Variants in TRDN observed in about 807,000 individuals in gnomAD.
TRDN encodes the protein triadin.
In TRDN, 161 loss-of-function variants were observed where a neutral mutation model predicts 149.7. That is an observed-to-expected ratio of 1.08 (90% CI 0.95 to 1.23). TRDN has a LOEUF of 1.23. Ranked by LOEUF, TRDN falls within the 50% of genes most tolerant of loss-of-function variation. TRDN has a pLI of 0.00. For missense variants in TRDN, 896 were observed against 823.5 expected (o/e 1.09, Z -1.08); for synonymous variants, 294 against 250.5 (o/e 1.17, Z -1.64).
At chr6:123,246,740 GGTAT>G (rs1776195869) in intron 38 of TRDN, among the ~76,000 whole-genome samples, 1 of 151,228 alleles carries the variant, frequency 6.6e-6, no homozygotes, top group Non-Finnish European at 1.5e-5. Flanking sequence ...CATTTTATAA[GGTAT>G]AAGGCCAGCA....
At chr6:123,273,048 T>C in intron 28 of TRDN, 37 bp from the exon 29 acceptor site, 1 of 1,386,792 alleles carries the variant, frequency 7.2e-7, no homozygotes, top group Non-Finnish European at 9.7e-7. Flanking sequence ...TTTAGGTATT[T>C]AGAAGCTGGG....
intron 1 of TRDN, among the ~76,000 whole-genome samples, chr6:123,579,107 T>A (rs1352270960): frequency 6.6e-6 from 1 of 152,216 alleles, no homozygotes; most frequent in Non-Finnish European, 1.5e-5. Flanking sequence ...AGAAATAGTT[T>A]GACTTTCTAT....
chr6:123,619,894 A>C (rs1785291496), intron 1 of TRDN, among the ~76,000 whole-genome samples: 1 of 152,128 alleles, frequency 6.6e-6, no homozygotes. Context: ...CCAGAGAAAT[A>C]GCTGATTATG....
At chr6:123,265,928 T>C (rs1371018676) in intron 32 of TRDN, among the ~76,000 whole-genome samples, 2 of 146,700 alleles carry the variant, frequency 1.4e-5, no homozygotes, top group East Asian at 3.9e-4. Context: ...ACGTTAACTG[T>C]GTCATCGTAC....
rs1310215142 is a variant in TRDN at position 123,360,703 on chromosome 6, AAGAGAGAGAGAGAGACGGAG to A, written c.1321+5412_1321+5431del. Among the ~76,000 whole-genome samples, 242 of 114,340 alleles carry A rather than the reference AAGAGAGAGAGAGAGACGGAG, an allele frequency of 2.1e-3. 2 individuals are homozygous for A. The highest frequency in any genetic ancestry group is 0.01 in the African/African-American group (230 of 22,676). 75.0% of individuals were successfully genotyped at this position (114,340 alleles called of 152,430 possible). ...ATAAAGTGGTAGAGAGACAGAGAGA[AAGAGAGAGAGAGAGACGGAG>A]AGAGAGAGAGAGAGAGAGACAGGGA... On this transcript the variant is annotated intron_variant, in intron 20 of 40. Transcript: ENST00000334268.
rs1368380740 is a variant in TRDN, at chr6:123,503,740, C to G, written c.772G>C (p.Val258Leu). ...TTACCTTTCTGTTCATGCTTTGACA[C>G]AGCTGCTTTCTCTTTGTCCTCCTTT... The part of the protein sequence containing the change: ...KEKEDKEKAA[V>L]SKHEQKDQYA... The change falls in exon 8 of 41, where the codon GTG becomes CTG. Residue 258 changes from valine (V) to leucine (L), a missense_variant. By Grantham distance (32) the Val-to-Leu change is conservative. Transcript: ENST00000334268. 5 of 1,613,792 alleles carry G rather than the reference C, an allele frequency of 3.1e-6. No homozygotes were observed. The highest frequency in any genetic ancestry group is 4.2e-6 in the Non-Finnish European group (5 of 1,179,822).
chr6:123,590,665 G>A (rs1783734543), intron 1 of TRDN, among the ~76,000 whole-genome samples: 1 of 152,072 alleles, frequency 6.6e-6, no homozygotes, highest in Non-Finnish European at 1.5e-5. Context: ...GGGAGGCTGA[G>A]GCAGGAGAAT....
intron 21 of TRDN, among the ~76,000 whole-genome samples, chr6:123,348,207 C>T (rs773514629): frequency 1.3e-5 from 2 of 151,936 alleles, no homozygotes; most frequent in Non-Finnish European, 2.9e-5. Context: ...TGCTTTACAA[C>T]TAGCTTGTAA....
chr6:123,604,650 C>T (rs151128665), intron 1 of TRDN, among the ~76,000 whole-genome samples: 10 of 151,832 alleles, frequency 6.6e-5, no homozygotes, highest in Middle Eastern at 3.4e-3. Context: ...CAGAATGACA[C>T]GAAGAATAGA....
intron 20 of TRDN, among the ~76,000 whole-genome samples, chr6:123,358,492 T>G (rs1395735765): frequency 6.6e-6 from 1 of 151,986 alleles, no homozygotes; most frequent in African/African-American, 2.4e-5. Flanking sequence ...TTTATGGAGT[T>G]TTGCATTTGT....
At chr6:123,412,985 T>C (rs994177425) in intron 12 of TRDN, among the ~76,000 whole-genome samples, 1 of 152,028 alleles carries the variant, frequency 6.6e-6, no homozygotes, top group Non-Finnish European at 1.5e-5. Flanking sequence ...TGTTCAAACA[T>C]AGAACTAAAC....
Position 123,548,601 on chromosome 6 carries a change from C to G in TRDN, c.244G>C (p.Ala82Pro). The change falls in exon 3 of 41, where the codon GCC becomes CCC. Residue 82 changes from alanine to proline, a missense_variant. Coordinates refer to ENST00000334268, the MANE Select transcript of TRDN (RefSeq NM_006073.4). ...TTTAAAGGATCTGAGCCAATCTTGGCAATAGAGCTTGCTAAAAGTAATTAA... is the reference window on the plus strand; with the variant it reads ...TTTAAAGGATCTGAGCCAATCTTGGGAATAGAGCTTGCTAAAAGTAATTAA... The part of the protein sequence containing the change: ...DYKNFSASSI[A>P]KIGSDPLKLV... 7.1e-7 allele frequency: 1 copy of G among 1,411,020 alleles called. No homozygotes were observed. The highest frequency in any genetic ancestry group is 1.8e-5 in the South Asian group (1 of 56,352). 87.4% of individuals were successfully genotyped at this position (1,411,020 alleles called of 1,614,324 possible).
intron 20 of TRDN, among the ~76,000 whole-genome samples, chr6:123,355,137 G>T (rs1391324015): frequency 6.6e-6 from 1 of 151,080 alleles, no homozygotes; most frequent in African/African-American, 2.4e-5. Context: ...ACATTGATTT[G>T]TATGCATCTG....
At chr6:123,512,407 C>T in intron 6 of TRDN, 45 bp from the exon 7 acceptor site, 1 of 1,165,238 alleles carries the variant, frequency 8.6e-7, no homozygotes, top group Non-Finnish European at 1.2e-6. Context: ...TAATAGATTT[C>T]AAAACCAAGC....
At chr6:123,279,722 G>A (rs1777516560) in intron 24 of TRDN, among the ~76,000 whole-genome samples, 1 of 151,904 alleles carries the variant, frequency 6.6e-6, no homozygotes, top group Non-Finnish European at 1.5e-5. Flanking sequence ...TACTTTCCAA[G>A]ACTAATGAAC....
At chr6:123,379,891 A>G (rs1043397448) in intron 16 of TRDN, among the ~76,000 whole-genome samples, 3 of 152,264 alleles carry the variant, frequency 2.0e-5, no homozygotes, top group African/African-American at 4.8e-5. Flanking sequence ...TCCCTTAACC[A>G]TAATTAAAAA....
At chr6:123,331,961 C>A in intron 22 of TRDN, 32 bp from the exon 23 acceptor site, 4 of 1,495,972 alleles carry the variant, frequency 2.7e-6, no homozygotes, top group Admixed American at 2.2e-5. Flanking sequence ...TTATTTGAAG[C>A]CAAGACAAAG....
At chr6:123,394,807 A>G (rs1772652115) in intron 12 of TRDN, among the ~76,000 whole-genome samples, 1 of 152,142 alleles carries the variant, frequency 6.6e-6, no homozygotes, top group South Asian at 2.1e-4. Context: ...ATTCAGAGAA[A>G]ATATCTTTTG....
chr6:123,533,747 G>A (rs1490068983), intron 4 of TRDN, among the ~76,000 whole-genome samples: 1 of 152,004 alleles, frequency 6.6e-6, no homozygotes, highest in Non-Finnish European at 1.5e-5. Context: ...CAGGAGAAGG[G>A]AAATGCTAGG....
Sources: gnomAD v4.1 joint callset for allele counts (sites outside exome capture counted in the v4.1 genomes callset) on GRCh38, gnomAD v4.1.1 for gene constraint, MANE v1.5 for transcripts, NCBI Gene and HGNC (gene_info 2026-07-23, HGNC 2026-07-21) for gene names.